The following FCHSD2 variants were observed in gnomAD, a reference collection of about 807,000 sequenced individuals.
FCHSD2 encodes F-BAR and double SH3 domains protein 2.
In FCHSD2, 38 loss-of-function variants were observed where a neutral mutation model predicts 108.1. The observed-to-expected ratio is 0.35, with a 90% CI of 0.27 to 0.46. The LOEUF (loss-of-function observed/expected upper bound fraction) is 0.46, where lower values mean the gene tolerates loss of function less well. Among genes scored for constraint, FCHSD2 ranks in the 20% least tolerant of loss-of-function variants. The pLI is 1.00. For synonymous variants in FCHSD2, 279 were observed against 314.7 expected (o/e 0.89, Z 1.20); for missense variants, 751 against 897.8 (o/e 0.84, Z 2.09).
intron 2 of FCHSD2, among the ~76,000 whole-genome samples, chr11:73,138,574 T>C (rs1044256292): frequency 1.6e-4 from 25 of 152,066 alleles, no homozygotes; most frequent in African/African-American, 6.0e-4. Flanking sequence ...TTTTTAACCA[T>C]GTCAAGAGTT....
At chr11:72,930,467 AT>A (rs779023289) in intron 8 of FCHSD2, among the ~76,000 whole-genome samples, 8 of 152,192 alleles carry the variant, frequency 5.3e-5, no homozygotes, top group Non-Finnish European at 1.2e-4. Flanking sequence ...CAACAATGTA[AT>A]TGGCTGGGTG....
chr11:72,937,357 T>C (rs965674565), intron 8 of FCHSD2, among the ~76,000 whole-genome samples: 2 of 152,256 alleles, frequency 1.3e-5, no homozygotes, highest in Non-Finnish European at 2.9e-5. Flanking sequence ...TAGTCTCTTT[T>C]GTGTGCATTT....
intron 8 of FCHSD2, among the ~76,000 whole-genome samples, chr11:72,960,822 A>G (rs1856806471): frequency 6.6e-6 from 1 of 152,198 alleles, no homozygotes; most frequent in Non-Finnish European, 1.5e-5. Flanking sequence ...AATACAGGTA[A>G]AGAAAGGCTT....
chr11:72,978,854 C>CTTTT (rs1190277188), intron 8 of FCHSD2, among the ~76,000 whole-genome samples: 81 of 110,864 alleles, frequency 7.3e-4, no homozygotes, highest in Non-Finnish European at 9.0e-4. Context: ...GTAGCTCTTT[C>CTTTT]TTTTTTTTTT....
intron 5 of FCHSD2, among the ~76,000 whole-genome samples, chr11:72,990,730 G>T (rs1857395280): frequency 6.6e-6 from 1 of 152,204 alleles, no homozygotes; most frequent in Non-Finnish European, 1.5e-5. Context: ...GAAATTTATA[G>T]CACTAAATGC....
At chr11:72,887,889 T>C (rs1051360253) in intron 11 of FCHSD2, among the ~76,000 whole-genome samples, 1 of 152,190 alleles carries the variant, frequency 6.6e-6, no homozygotes, top group Admixed American at 6.5e-5. Context: ...ACCCTCTTGT[T>C]CTATGGCATT....
intron 2 of FCHSD2, among the ~76,000 whole-genome samples, chr11:73,116,821 G>A (rs752577089): frequency 2.0e-5 from 3 of 152,142 alleles, no homozygotes; most frequent in African/African-American, 4.8e-5. Flanking sequence ...ACAGGCATGA[G>A]CCACAGCGCC....
intron 2 of FCHSD2, among the ~76,000 whole-genome samples, chr11:73,122,505 G>C (rs1860758504): frequency 6.6e-6 from 1 of 152,170 alleles, no homozygotes; most frequent in Non-Finnish European, 1.5e-5. Context: ...TCAGAACACA[G>C]GAATGGCTAC....
intron 5 of FCHSD2, among the ~76,000 whole-genome samples, chr11:72,993,713 A>T (rs1857464195): frequency 7.0e-6 from 1 of 143,608 alleles, no homozygotes. Context: ...AACAATGAGA[A>T]CACATGGACA....
intron 2 of FCHSD2, among the ~76,000 whole-genome samples, chr11:73,108,654 C>T (rs975792241): frequency 1.6e-4 from 25 of 152,164 alleles, no homozygotes; most frequent in Admixed American, 3.9e-4. Context: ...CTGCAAGCTC[C>T]GCTTCCCGGG....
Position 73,042,416 on chromosome 11 carries a change from T to A in FCHSD2, c.166-26531A>T, listed in dbSNP as rs116539912. On this transcript the variant is annotated intron_variant, in intron 3 of 19. Coordinates refer to ENST00000409418, the MANE Select transcript of FCHSD2 (RefSeq NM_014824.3). ...TTACTTAATCCATCCCATTGTTCTA[T>A]GTGTCTGTATTTATATCAATACCAT... Among the ~76,000 whole-genome samples, 518 of 152,332 alleles carry A rather than the reference T, an allele frequency of 3.4e-3. 1 individual carries two copies. Among genetic ancestry groups the A allele is most frequent in the African/African-American group, 0.012 (497 of 41,574 alleles).
chr11:73,074,370 T>C (rs1329964501), intron 3 of FCHSD2, among the ~76,000 whole-genome samples: 1 of 152,240 alleles, frequency 6.6e-6, no homozygotes, highest in Non-Finnish European at 1.5e-5. Context: ...TGTGCAAGCA[T>C]ATGTGCAAGC....
At chr11:73,079,059 C>T (rs950599935) in intron 3 of FCHSD2, among the ~76,000 whole-genome samples, 1 of 152,110 alleles carries the variant, frequency 6.6e-6, no homozygotes, top group African/African-American at 2.4e-5. Flanking sequence ...TAATAGTTTA[C>T]ATGAGTGTGT....
At chr11:73,001,208 G>T in intron 4 of FCHSD2, 74 bp from the exon 5 acceptor site, 2 of 1,253,242 alleles carry the variant, frequency 1.6e-6, no homozygotes, top group East Asian at 2.4e-5. Flanking sequence ...TTTGCTCACA[G>T]GGCAGCACTG....
At chr11:73,141,716 G>C (rs2135583391) in intron 1 of FCHSD2, 141 bp downstream of exon 1, 1 of 876,522 alleles carries the variant, frequency 1.1e-6, no homozygotes, top group South Asian at 1.8e-5. Context: ...CCCACCTGGA[G>C]CCGGCGGCAA....
intron 4 of FCHSD2, 63 bp downstream of exon 4, chr11:73,015,746 A>T (rs1033883280): frequency 1.7e-5 from 16 of 934,166 alleles, no homozygotes; most frequent in Non-Finnish European, 2.5e-5. Context: ...TACATTATCT[A>T]TATGTAACAT....
chr11:72,885,494 G>A (rs148794915), intron 12 of FCHSD2, among the ~76,000 whole-genome samples: 124 of 152,210 alleles, frequency 8.1e-4, no homozygotes, highest in African/African-American at 2.7e-3. Context: ...AGGTCATCTG[G>A]CCTAAATGAA....
At chr11:72,894,260 TG>T (rs1855375253) in intron 10 of FCHSD2, among the ~76,000 whole-genome samples, 1 of 152,182 alleles carries the variant, frequency 6.6e-6, no homozygotes, top group African/African-American at 2.4e-5. Flanking sequence ...AGAAATATAC[TG>T]GGGCTGGGCA....
At chr11:72,986,257 C>T (rs1476675291) in intron 6 of FCHSD2, among the ~76,000 whole-genome samples, 1 of 152,088 alleles carries the variant, frequency 6.6e-6, no homozygotes, top group Non-Finnish European at 1.5e-5. Flanking sequence ...TTGCCCAGGT[C>T]GGAGTGCAGT....
Sources: gnomAD v4.1 joint callset for allele counts (sites outside exome capture counted in the v4.1 genomes callset) on GRCh38, gnomAD v4.1.1 for gene constraint, MANE v1.5 for transcripts, NCBI Gene and HGNC (gene_info 2026-07-23, HGNC 2026-07-21) for gene names.